Variants in FHDC1 observed in about 807,000 individuals in gnomAD.
FHDC1 encodes the protein FH2 domain containing 1.
In FHDC1, 25 loss-of-function variants were observed where a neutral mutation model predicts 52.6. The observed-to-expected ratio is 0.48, with a 90% CI of 0.35 to 0.66. The LOEUF (loss-of-function observed/expected upper bound fraction) is 0.66, where lower values mean the gene tolerates loss of function less well. Ranked by LOEUF, FHDC1 falls within the 30% of genes least tolerant of loss-of-function variation. The pLI is 0.01. For synonymous variants in FHDC1, 616 were observed against 581.5 expected, an observed-to-expected ratio of 1.06 and a Z score of -0.85; for missense variants, 1,459 against 1,452.8, an observed-to-expected ratio of 1.00 and a Z score of -0.07.
the FHDC1 span, among the ~76,000 whole-genome samples, chr4:152,926,643 A>AAAT: frequency 6.6e-6 from 1 of 151,900 alleles, no homozygotes; most frequent in Non-Finnish European, 1.5e-5. Flanking sequence ...TCTAAATAAA[A>AAAT]AATCTTTCCC....
intron 11 of FHDC1, 30 bp from the exon 12 acceptor site, chr4:152,974,645 T>C (rs759878625): frequency 1.9e-5 from 28 of 1,503,714 alleles, no homozygotes; most frequent in African/African-American, 2.8e-5. Flanking sequence ...ACATGTCTCA[T>C]GCATCTTCGG....
At position 152,968,058 on chromosome 4, in the gene FHDC1, G is replaced by A; in HGVS notation, c.1179G>A (p.Arg393=). The A allele has an allele frequency of 6.2e-7, 1 of 1,613,866 alleles. No homozygotes were observed. Among genetic ancestry groups the A allele is most frequent in the South Asian group, 1.1e-5 (1 of 91,052 alleles). Residue 393 remains arginine, a synonymous_variant, in exon 10 of 12, where the codon CGG becomes CGA. Coordinates refer to ENST00000511601, the MANE Select transcript of FHDC1 (RefSeq NM_001371116.1). ...RTKSLKENIQ[R]DGELCQQMED... is the part of the protein sequence containing the mutation. ...AATCACTAAAAGAAAACATCCAGCG[G>A]GATGGTGAACTTTGTCAGCAGATGG...
Position 152,975,484 on chromosome 4 carries a change from C to T in FHDC1, c.2193C>T (p.Ala731=). The stretch of plus-strand genomic sequence containing the variant: ...GCCTGACACCCATGGGCAGAGATGC[C>T]CTGGGGAGTCTCAGCCCAGCGCTGG... ...SSSLTPMGRD[A]LGSLSPALED... The change falls in exon 12 of 12, where the codon GCC becomes GCT. Residue 731 remains alanine, a synonymous_variant. Transcript: ENST00000511601. 1 of 1,613,370 alleles carries T rather than the reference C, an allele frequency of 6.2e-7. No individual in the cohort carries two copies. The highest frequency in any genetic ancestry group is 8.5e-7 in the Non-Finnish European group (1 of 1,179,988).
chr4:152,945,633 T>G (rs1054013923), intron 2 of FHDC1, among the ~76,000 whole-genome samples: 2 of 152,080 alleles, frequency 1.3e-5, no homozygotes, highest in Admixed American at 6.5e-5. Context: ...ATTTTTGTAT[T>G]TTTAGCAGAG....
intron 6 of FHDC1, among the ~76,000 whole-genome samples, chr4:152,961,591 C>A (rs534303649): frequency 6.6e-6 from 1 of 152,174 alleles, no homozygotes; most frequent in South Asian, 2.1e-4. Context: ...GCCATATTCT[C>A]TGGCCCTCCC....
rs768285338 is a variant in FHDC1 at position 152,976,166 on chromosome 4, CG to C, written c.2880del (p.Ser961AlafsTer87). 1 of 1,611,956 alleles carries C rather than the reference CG, an allele frequency of 6.2e-7. No homozygotes were observed. Among genetic ancestry groups the C allele is most frequent in the Non-Finnish European group, 8.5e-7 (1 of 1,179,498 alleles). On this transcript the variant is annotated frameshift_variant, in exon 12 of 12. Transcript: ENST00000511601. LOFTEE classifies it low-confidence loss of function (END_TRUNC). ...AGGCGCCGAAGAGCAGAGGCTGCCGCGGGGGAGCAGCGGCTCCAGCAGCACC... is the reference window on the plus strand; with the variant it reads ...AGGCGCCGAAGAGCAGAGGCTGCCGCGGGGAGCAGCGGCTCCAGCAGCACC... ...STGAEEQRLP[R>X]GSSGSSSTRP...
At chr4:152,921,768 A>G in the FHDC1 span, among the ~76,000 whole-genome samples, 12 of 152,218 alleles carry the variant, frequency 7.9e-5, no homozygotes, top group East Asian at 2.1e-3. Flanking sequence ...CTCATGCCAA[A>G]TTTTGACATC....
At chr4:152,957,925 C>CG (rs1740152383) in intron 4 of FHDC1, among the ~76,000 whole-genome samples, 1 of 152,168 alleles carries the variant, frequency 6.6e-6, no homozygotes. Flanking sequence ...GGAACACCCC[C>CG]ACCACGCCTG....
upstream of FHDC1, among the ~76,000 whole-genome samples, chr4:152,934,981 C>T (rs968316761): frequency 2.0e-5 from 3 of 152,224 alleles, no homozygotes; most frequent in African/African-American, 7.2e-5. Flanking sequence ...TGAGCCTGAA[C>T]AGTCAATATT....
At chr4:152,965,913 C>T (rs887559747) in intron 9 of FHDC1, among the ~76,000 whole-genome samples, 4 of 152,216 alleles carry the variant, frequency 2.6e-5, no homozygotes, top group Non-Finnish European at 5.9e-5. Context: ...TGCCACTGGC[C>T]TGTACCTCAA....
intron 2 of FHDC1, among the ~76,000 whole-genome samples, chr4:152,945,194 CAG>C (rs139114826): frequency 0.039 from 5,974 of 151,322 alleles, 392 homozygotes; most frequent in African/African-American, 0.14. Flanking sequence ...AAGAACCACT[CAG>C]AGAGAGAGAG....
chr4:152,967,928 T>C, intron 9 of FHDC1, 52 bp from the exon 10 acceptor site: 1 of 1,361,876 alleles, frequency 7.3e-7, no homozygotes, highest in Non-Finnish European at 1.0e-6. Context: ...TATACCTACA[T>C]GACACATGGC....
rs551279175 is a variant in FHDC1, at chr4:152,974,895, A to G, written c.1604A>G (p.Asn535Ser). ...SPSSPSYRPP[N>S]TRRSRLSLGP... ...TCCAGCCCCTCCTACCGGCCCCCGA[A>G]CACCCGCCGCTCCCGCCTCTCCCTG... is the stretch of plus-strand genomic sequence containing the variant. The change falls in exon 12 of 12, where the codon AAC becomes AGC. Residue 535 changes from asparagine to serine, a missense_variant. Coordinates refer to ENST00000511601, the MANE Select transcript of FHDC1 (RefSeq NM_001371116.1). 4 of 1,591,870 alleles carry G rather than the reference A, an allele frequency of 2.5e-6. No homozygotes were observed. The highest frequency in any genetic ancestry group is 3.4e-6 in the Non-Finnish European group (4 of 1,171,218).
intron 10 of FHDC1, among the ~76,000 whole-genome samples, chr4:152,971,352 C>T (rs915083318): frequency 2.0e-5 from 3 of 152,140 alleles, no homozygotes; most frequent in Non-Finnish European, 2.9e-5. Flanking sequence ...TGAGACCCTG[C>T]AGGTCTCAAC....
At chr4:152,949,124 T>TAATAAGAAG (rs1347590282) in intron 2 of FHDC1, among the ~76,000 whole-genome samples, 1,210 of 74,618 alleles carry the variant, frequency 0.016, 13 homozygotes, top group Non-Finnish European at 0.021. Context: ...ATAATAATAA[T>TAATAAGAAG]AAGAAGAAGA....
intron 4 of FHDC1, among the ~76,000 whole-genome samples, chr4:152,958,357 C>CT (rs1740171745): frequency 6.6e-6 from 1 of 152,100 alleles, no homozygotes; most frequent in South Asian, 2.1e-4. Flanking sequence ...GTTCACCTTT[C>CT]TTTTTTACTT....
intron 10 of FHDC1, among the ~76,000 whole-genome samples, chr4:152,969,904 C>T (rs1306842950): frequency 1.3e-5 from 2 of 152,130 alleles, no homozygotes; most frequent in African/African-American, 4.8e-5. Context: ...CTCCTGACCT[C>T]GTGATCCGCC....
rs899439870 is a variant in FHDC1, at chr4:152,978,905, A to G, written c.*2182A>G. ...AGCACCTGACCACAAAACCTCTTGT[A>G]AAAACAGCCCTGAGTAGGTATTTCC... On this transcript the variant is annotated 3_prime_UTR_variant, in exon 12 of 12. Transcript: ENST00000511601. 5 of 152,218 alleles carry G rather than the reference A, an allele frequency of 3.3e-5. No individual in the cohort carries two copies. The highest frequency in any genetic ancestry group is 2.1e-4 in the South Asian group (1 of 4,830). The allele number at this position is 152,218 out of a possible 1,614,324, so 9.4% of individuals were successfully genotyped here.
Position 152,975,313 on chromosome 4 carries a change from G to C in FHDC1, c.2022G>C (p.Glu674Asp). 6.2e-7 allele frequency: 1 copy of C among 1,613,674 alleles called. No homozygotes were observed. The highest frequency in any genetic ancestry group is 1.1e-5 in the South Asian group (1 of 91,084). Residue 674 changes from glutamate (E) to aspartate (D), a missense_variant, in exon 12 of 12, where the codon GAG (glutamate) becomes GAC (aspartate). Around this residue, in one of 3 missense-constraint regions of FHDC1, gnomAD observed 939 missense variants for 854.5 expected, o/e 1.10. Coordinates refer to ENST00000511601, the MANE Select transcript of FHDC1 (RefSeq NM_001371116.1). Reference sequence around the variant, plus strand: ...TGGCTCTGGGAATTAAGGAGCATGAGCTGGTGACAGGGCTGGCCCAGTTCA... The same window carrying C: ...TGGCTCTGGGAATTAAGGAGCATGACCTGGTGACAGGGCTGGCCCAGTTCA... ...SPLALGIKEH[E>D]LVTGLAQFNL...
Sources: allele counts gnomAD v4.1 joint callset (sites outside exome capture counted in the v4.1 genomes callset), GRCh38; gene constraint gnomAD v4.1.1; regional missense constraint gnomAD v4.1.1; transcripts MANE v1.5; gene names NCBI Gene and HGNC (gene_info 2026-07-23, HGNC 2026-07-21).